RBFOX1: variants seen among roughly 807,000 people sequenced by gnomAD.
RBFOX1 encodes the protein RNA binding fox-1 homolog 1, also known as RNA binding protein fox-1 homolog 1.
Under a neutral mutation model 57.7 loss-of-function variants are expected in RBFOX1, and 8 were observed. That is an observed-to-expected ratio of 0.14 (90% confidence interval 0.08 to 0.25). RBFOX1 has a LOEUF of 0.25. RBFOX1 is among the 10% of genes least tolerant of loss of function. The pLI is 1.00. For missense variants in RBFOX1, 611 were observed against 548.5 expected (o/e 1.11, Z -1.14); for synonymous variants, 326 against 222.4 (o/e 1.47, Z -4.15).
At chr16:6,994,162 G>C (rs895640172) in intron 3 of RBFOX1, among the ~76,000 whole-genome samples, 1 of 152,116 alleles carries the variant, frequency 6.6e-6, no homozygotes, top group Non-Finnish European at 1.5e-5. Flanking sequence ...GGCGGGATCA[G>C]GGAGCCACAG....
Position 6,977,558 on chromosome 16 carries a change from T to C in RBFOX1, c.-15-74499T>C, listed in dbSNP as rs148822279. Among the ~76,000 whole-genome samples, 642 of 152,172 alleles carry C rather than the reference T, an allele frequency of 4.2e-3. 7 individuals are homozygous for C. Among genetic ancestry groups the C allele is most frequent in the Middle Eastern group, 0.01 (3 of 294 alleles). On this transcript the variant is annotated intron_variant, in intron 3 of 15. Transcript: ENST00000550418. ...ACTGTAGTTCGAAGACCTCTGACAATTGGACACACGTCTGTGGTTCCTAAC... is the reference window on the plus strand; with the variant it reads ...ACTGTAGTTCGAAGACCTCTGACAACTGGACACACGTCTGTGGTTCCTAAC...
intron 1 of RBFOX1, among the ~76,000 whole-genome samples, chr16:6,185,841 G>T (rs2097101663): frequency 6.6e-6 from 1 of 152,194 alleles, no homozygotes; most frequent in African/African-American, 2.4e-5. Flanking sequence ...CAGGAGGAGA[G>T]TTGGATCTTC....
intron 1 of RBFOX1, among the ~76,000 whole-genome samples, chr16:6,243,629 T>G (rs1353136960): frequency 1.3e-5 from 2 of 152,214 alleles, no homozygotes; most frequent in Admixed American, 6.5e-5. Flanking sequence ...CAGATTCCCC[T>G]GTGGCCCGTA....
chr16:7,704,710 A>G (rs760229584), intron 14 of RBFOX1, among the ~76,000 whole-genome samples: 23 of 152,190 alleles, frequency 1.5e-4, no homozygotes, highest in Non-Finnish European at 5.9e-5. Flanking sequence ...TAGAGTTGCT[A>G]TACAACATGA....
At chr16:7,621,888 C>T (rs1213600870) in intron 10 of RBFOX1, among the ~76,000 whole-genome samples, 2 of 152,166 alleles carry the variant, frequency 1.3e-5, no homozygotes, top group Non-Finnish European at 2.9e-5. Flanking sequence ...TTACTCAGCC[C>T]TGTCATTTTA....
intron 4 of RBFOX1, among the ~76,000 whole-genome samples, chr16:7,481,805 G>C (rs1307689641): frequency 6.6e-6 from 1 of 152,126 alleles, no homozygotes; most frequent in East Asian, 1.9e-4. Context: ...CAACATCACA[G>C]CTTAGCCTAG....
chr16:7,231,739 G>C (rs374775393), intron 4 of RBFOX1, among the ~76,000 whole-genome samples: 1 of 152,300 alleles, frequency 6.6e-6, no homozygotes, highest in South Asian at 2.1e-4. Flanking sequence ...AGGAGCTACT[G>C]TTACATGCTA....
In RBFOX1 at chr16:5,752,837, A is replaced by G. The variant is rs893319180; in HGVS notation, c.319-114466A>G. Among the ~76,000 whole-genome samples the G allele has an allele frequency of 2.6e-5, 4 of 152,180 alleles. No homozygotes were observed. In the East Asian group the frequency reaches 5.8e-4, roughly 22 times the overall value. ...ATATGTTGAGTTTCAAACTAGATCA[A>G]AAGAAATAAATTCAGAGAGAAAGAA... On this transcript the variant is annotated intron_variant, in intron 3 of 19. Coordinates refer to the RBFOX1 transcript ENST00000641259.
chr16:7,388,253 T>C (rs1392856059), intron 4 of RBFOX1, among the ~76,000 whole-genome samples: 2 of 152,198 alleles, frequency 1.3e-5, no homozygotes, highest in Non-Finnish European at 2.9e-5. Context: ...CAGCACTCGG[T>C]ATCCATGATG....
chr16:6,338,238 A>G (rs1254958762), intron 2 of RBFOX1, among the ~76,000 whole-genome samples: 1 of 152,110 alleles, frequency 6.6e-6, no homozygotes, highest in Non-Finnish European at 1.5e-5. Flanking sequence ...CAACACACAC[A>G]CCTACACCTG....
chr16:6,085,804 A>C (rs759652502), intron 1 of RBFOX1, among the ~76,000 whole-genome samples: 1 of 152,180 alleles, frequency 6.6e-6, no homozygotes, highest in Non-Finnish European at 1.5e-5. Flanking sequence ...TTATCTCTGT[A>C]AAATAGAAGT....
intron 4 of RBFOX1, among the ~76,000 whole-genome samples, chr16:7,512,609 G>C (rs745739929): frequency 2.0e-5 from 3 of 152,190 alleles, no homozygotes; most frequent in African/African-American, 7.2e-5. Context: ...CTAACTGCAG[G>C]CTCCTTGGCT....
At chr16:7,186,249 T>C (rs1010531400) in intron 4 of RBFOX1, among the ~76,000 whole-genome samples, 1 of 126,926 alleles carries the variant, frequency 7.9e-6, no homozygotes, top group African/African-American at 2.9e-5. Context: ...TATATAAACA[T>C]AAACATATTT....
rs564254377 is a variant in RBFOX1, at chr16:7,197,646, C to T, written c.27+145548C>T. Reference sequence around the variant, plus strand: ...ACAGAAATGTTCATCACAGCATTATCCACAATAGCTAAAAGGTGGAAACAA... The same window carrying T: ...ACAGAAATGTTCATCACAGCATTATTCACAATAGCTAAAAGGTGGAAACAA... On this transcript the variant is annotated intron_variant, in intron 4 of 15. Coordinates refer to ENST00000550418, the MANE Select transcript of RBFOX1 (RefSeq NM_018723.4). 2.6e-5 allele frequency among the ~76,000 whole-genome samples: 4 copies of T among 152,248 alleles called. No individual in the cohort carries two copies. The East Asian group carries it at 5.8e-4, about 22-fold the overall frequency.
intron 2 of RBFOX1, among the ~76,000 whole-genome samples, chr16:5,481,062 G>C (rs1261037385): frequency 6.6e-6 from 1 of 152,180 alleles, no homozygotes; most frequent in Non-Finnish European, 1.5e-5. Flanking sequence ...AAGTCTACTA[G>C]CTCTAAAAAT....
At chr16:5,606,161 A>G (rs1288328877) in intron 3 of RBFOX1, among the ~76,000 whole-genome samples, 1 of 152,162 alleles carries the variant, frequency 6.6e-6, no homozygotes, top group Admixed American at 6.5e-5. Context: ...ATGTGAGAGT[A>G]GAGAGCAAGG....
chr16:6,587,979 C>T (rs1251596206), intron 2 of RBFOX1, among the ~76,000 whole-genome samples: 4 of 152,180 alleles, frequency 2.6e-5, no homozygotes, highest in Non-Finnish European at 5.9e-5. Context: ...CCTGTAATCC[C>T]AGCACTTTGG....
At chr16:6,468,166 A>G (rs1269541381) in intron 2 of RBFOX1, among the ~76,000 whole-genome samples, 1 of 152,190 alleles carries the variant, frequency 6.6e-6, no homozygotes, top group African/African-American at 2.4e-5. Context: ...TAACACCTCC[A>G]GTATAATGGC....
intron 11 of RBFOX1, among the ~76,000 whole-genome samples, chr16:7,647,571 C>T (rs759027540): frequency 2.0e-5 from 3 of 151,316 alleles, no homozygotes; most frequent in Admixed American, 6.6e-5. Flanking sequence ...AGCAAACTTG[C>T]AGTGCTGGGG....
Sources: gnomAD v4.1 joint callset for allele counts (sites outside exome capture counted in the v4.1 genomes callset) on GRCh38, gnomAD v4.1.1 for gene constraint, MANE v1.5 for transcripts, NCBI Gene and HGNC (gene_info 2026-07-23, HGNC 2026-07-21) for gene names.